Variants in GCNT2 observed in about 807,000 individuals in gnomAD.
GCNT2 encodes the protein N-acetyllactosaminide beta-1,6-N-acetylglucosaminyl-transferase.
In GCNT2, 34 loss-of-function variants were observed where a neutral mutation model predicts 34.2. That is an observed-to-expected ratio of 1.00 (90% CI 0.76 to 1.32). The LOEUF is 1.32. GCNT2 is among the 40% of genes most tolerant of loss of function. GCNT2 has a pLI of 0.00. For synonymous variants in GCNT2, 212 were observed against 188.0 expected (o/e 1.13, Z -1.04); for missense variants, 584 against 489.4 (o/e 1.19, Z -1.82).
chr6:10,612,021 C>G (rs1765582461), intron 3 of GCNT2, among the ~76,000 whole-genome samples: 1 of 151,866 alleles, frequency 6.6e-6, no homozygotes. Flanking sequence ...GAGCCTCACT[C>G]TGTTGCCCAG....
intron 3 of GCNT2, among the ~76,000 whole-genome samples, chr6:10,577,241 A>AG (rs55741333): frequency 9.2e-5 from 14 of 152,146 alleles, no homozygotes; most frequent in African/African-American, 3.1e-4. Flanking sequence ...GTGCAGTGTG[A>AG]GGGGGGAGGT....
chr6:10,525,333 T>C (rs958026791), intron 1 of GCNT2, among the ~76,000 whole-genome samples: 1 of 152,214 alleles, frequency 6.6e-6, no homozygotes, highest in Non-Finnish European at 1.5e-5. Context: ...TGTTCAGAAC[T>C]CTTTATTTAT....
In GCNT2 at chr6:10,586,140, C is replaced by T. The variant is rs775443773; in HGVS notation, c.926-35211C>T. ...GTATTTTAGGAAAACTGCCTGTAAT[C>T]ACGCCTTAGAGAAAATGCCAGTCTT... is the stretch of plus-strand genomic sequence containing the variant. On this transcript the variant is annotated intron_variant, in intron 3 of 4. Transcript: ENST00000495262. 4 of 1,614,168 alleles carry T rather than the reference C, an allele frequency of 2.5e-6. No individual in the cohort carries two copies. In the Admixed American group the frequency reaches 5.0e-5, roughly 20 times the overall value.
rs1561778900 is a variant in GCNT2 at position 10,529,848 on chromosome 6, TCTTAA to T, written c.925+16_925+20del. 2.5e-6 allele frequency: 4 copies of T among 1,600,742 alleles called. No homozygotes were observed. Among genetic ancestry groups the T allele is most frequent in the Non-Finnish European group, 2.6e-6 (3 of 1,168,524 alleles). ...CAACAGGATTCCCGGTATGTACGTC[TCTTAA>T]CTTTTATTTTTACGAATAAACACTG... On this transcript the variant is annotated intron_variant, in intron 3 of 4. Transcript: ENST00000495262.
At chr6:10,621,624 T>G in intron 4 of GCNT2, 181 bp downstream of exon 4, 1 of 632,926 alleles carries the variant, frequency 1.6e-6, no homozygotes. Context: ...AACATCTCAT[T>G]GATGTTCTCT....
intron 3 of GCNT2, among the ~76,000 whole-genome samples, chr6:10,598,474 T>A (rs1450981277): frequency 6.6e-6 from 1 of 152,202 alleles, no homozygotes; most frequent in Admixed American, 6.5e-5. Flanking sequence ...ATTGAATTTC[T>A]CTCTTTGTCA....
Position 10,529,849 on chromosome 6 carries a change from C to T in GCNT2, c.925+13C>T, listed in dbSNP as rs746393150. 1 of 1,600,672 alleles carries T rather than the reference C, an allele frequency of 6.2e-7. No individual in the cohort carries two copies. The highest frequency in any genetic ancestry group is 1.1e-5 in the South Asian group (1 of 90,828). On this transcript the variant is annotated intron_variant, in intron 3 of 4. Transcript: ENST00000495262. ...AACAGGATTCCCGGTATGTACGTCT[C>T]TTAACTTTTATTTTTACGAATAAAC...
intron 3 of GCNT2, among the ~76,000 whole-genome samples, chr6:10,551,910 A>G (rs1308194739): frequency 6.6e-6 from 1 of 151,650 alleles, no homozygotes; most frequent in Non-Finnish European, 1.5e-5. Context: ...GGTGCCCGCC[A>G]CCATGCCCAG....
At chr6:10,603,890 G>T (rs1278992988) in intron 3 of GCNT2, among the ~76,000 whole-genome samples, 1 of 38,998 alleles carries the variant, frequency 2.6e-5, no homozygotes, top group African/African-American at 5.1e-5. Context: ...TTGGTTTGTT[G>T]TTTGTTTGTT....
At position 10,528,834 on chromosome 6, in the gene GCNT2, G is replaced by T. The variant is rs577530847; in HGVS notation, c.-78G>T. ...ATCACGAGGATGATTTCGGAACCTG[G>T]AGAAAATGTAAGTTAAATATATCTA... On this transcript the variant is annotated 5_prime_UTR_variant, in exon 3 of 5. Transcript: ENST00000495262. The T allele has an allele frequency of 1.7e-6, 2 of 1,205,756 alleles. No individual in the cohort carries two copies. Among genetic ancestry groups the T allele is most frequent in the East Asian group, 2.3e-5 (1 of 43,138 alleles). 74.7% of individuals were successfully genotyped at this position (1,205,756 alleles called of 1,614,324 possible).
intron 3 of GCNT2, among the ~76,000 whole-genome samples, chr6:10,552,287 A>C (rs939813862): frequency 6.7e-6 from 1 of 149,750 alleles, no homozygotes; most frequent in African/African-American, 2.5e-5. Context: ...TAGTATCATG[A>C]TCATTATCAT....
chr6:10,570,503 G>A (rs1334226959), intron 3 of GCNT2, among the ~76,000 whole-genome samples: 1 of 152,216 alleles, frequency 6.6e-6, no homozygotes, highest in Non-Finnish European at 1.5e-5. Flanking sequence ...GTAAGCTGGA[G>A]ATACTCATGT....
intron 3 of GCNT2, among the ~76,000 whole-genome samples, chr6:10,577,918 C>G (rs994404368): frequency 3.3e-5 from 5 of 152,144 alleles, no homozygotes; most frequent in Admixed American, 2.6e-4. Context: ...TTAAAATCAG[C>G]GCTTTGCATA....
Position 10,556,865 on chromosome 6 carries a change from G to A in GCNT2, c.925+27029G>A, listed in dbSNP as rs142308624. 68 of 1,613,996 alleles carry A rather than the reference G, an allele frequency of 4.2e-5. No individual in the cohort carries two copies. The highest frequency in any genetic ancestry group is 1.1e-5 in the Non-Finnish European group (13 of 1,180,008). On this transcript the variant is annotated intron_variant, in intron 3 of 4. Coordinates refer to ENST00000495262, the MANE Select transcript of GCNT2 (RefSeq NM_145649.5). ...GCAACTATTAAGCTGCTTCCCAAAC[G>A]CTTTTCTGGCTTCCAAGATGGAACC...
At chr6:10,558,483 C>T (rs1762825182) in intron 3 of GCNT2, among the ~76,000 whole-genome samples, 2 of 152,104 alleles carry the variant, frequency 1.3e-5, no homozygotes, top group South Asian at 2.1e-4. Context: ...CTTTCTCACC[C>T]GAATTTTCCT....
intron 3 of GCNT2, chr6:10,585,688 C>A: frequency 2.1e-6 from 2 of 950,204 alleles, no homozygotes; most frequent in South Asian, 2.0e-5. Flanking sequence ...AATGAGGAGG[C>A]TTCCTAGAGG....
chr6:10,571,006 T>G (rs1266429057), intron 3 of GCNT2, among the ~76,000 whole-genome samples: 2 of 152,210 alleles, frequency 1.3e-5, no homozygotes. Context: ...AGCCTCCTCT[T>G]TATTCTATGC....
rs368307505 is a variant in GCNT2 at position 10,552,338 on chromosome 6, C to G, written c.925+22502C>G. On this transcript the variant is annotated intron_variant, in intron 3 of 4. Coordinates refer to ENST00000495262, the MANE Select transcript of GCNT2 (RefSeq NM_145649.5). ...AAAATTTACAAACCACCTGGCCACC[C>G]AGAGCAGAATTACAGTCAGCACTCT... 1.9e-4 allele frequency among the ~76,000 whole-genome samples: 29 copies of G among 151,984 alleles called. No individual in the cohort carries two copies. In the South Asian group the frequency reaches 5.2e-3, roughly 27 times the overall value.
intron 3 of GCNT2, among the ~76,000 whole-genome samples, chr6:10,616,256 G>A (rs1765754840): frequency 6.6e-6 from 1 of 152,182 alleles, no homozygotes; most frequent in African/African-American, 2.4e-5. Flanking sequence ...GCTGGCTTCA[G>A]GAGTAAAGTT....
Sources: allele counts gnomAD v4.1 joint callset (sites outside exome capture counted in the v4.1 genomes callset), GRCh38; gene constraint gnomAD v4.1.1; transcripts MANE v1.5; gene names NCBI Gene and HGNC (gene_info 2026-07-23, HGNC 2026-07-21).